SFMBT1: variants seen among roughly 807,000 people sequenced by gnomAD.
The protein encoded by SFMBT1 is Scm like with four mbt domains 1, also known as scm-like with four MBT domains protein 1.
Under a neutral mutation model 108.7 loss-of-function variants are expected in SFMBT1, and 32 were observed. The observed-to-expected ratio is 0.29, with a 90% confidence interval of 0.22 to 0.40. SFMBT1 has a LOEUF of 0.40. Among genes scored for constraint, SFMBT1 ranks in the 10% least tolerant of loss-of-function variants. The probability of loss-of-function intolerance (pLI) is 1.00; values close to 1 mark genes in which losing one functional copy is unlikely to be tolerated. For synonymous variants in SFMBT1, 348 were observed against 369.5 expected, an observed-to-expected ratio of 0.94 and a Z score of 0.67; for missense variants, 816 against 1,059.6, an observed-to-expected ratio of 0.77 and a Z score of 3.19.
chr3:53,038,114 AT>A (rs1360911871), intron 1 of SFMBT1, among the ~76,000 whole-genome samples: 2 of 151,752 alleles, frequency 1.3e-5, no homozygotes, highest in African/African-American at 4.9e-5. Context: ...CAAAAAAAAA[AT>A]GTTTTAAAAA....
chr3:53,005,985 A>C (rs1238065363), intron 1 of SFMBT1, among the ~76,000 whole-genome samples: 1 of 152,100 alleles, frequency 6.6e-6, no homozygotes, highest in Non-Finnish European at 1.5e-5. Context: ...TCTTGGGAGG[A>C]AGGATGAGGA....
intron 1 of SFMBT1, among the ~76,000 whole-genome samples, chr3:53,022,761 G>A (rs1699359999): frequency 6.6e-6 from 1 of 152,104 alleles, no homozygotes; most frequent in South Asian, 2.1e-4. Context: ...GCGGGGTGGA[G>A]CGGGAAATGG....
intron 10 of SFMBT1, among the ~76,000 whole-genome samples, chr3:52,923,386 T>C (rs61473083): frequency 0.098 from 14,915 of 151,938 alleles, 827 homozygotes; most frequent in Non-Finnish European, 0.13. Context: ...GCCAACATAG[T>C]GAAACCCTGT....
chr3:53,038,960 C>G (rs1479247772), intron 1 of SFMBT1, among the ~76,000 whole-genome samples: 3 of 152,180 alleles, frequency 2.0e-5, no homozygotes, highest in Non-Finnish European at 2.9e-5. Context: ...CAGGCCCACA[C>G]CACGAATGTC....
chr3:52,969,046 G>C, intron 2 of SFMBT1, 55 bp downstream of exon 2: 2 of 1,590,702 alleles, frequency 1.3e-6, no homozygotes, highest in Non-Finnish European at 1.7e-6. Context: ...TATAACACAG[G>C]CAAGTAATAT....
Position 52,932,168 on chromosome 3 carries a change from T to C in SFMBT1, c.594A>G (p.Gly198=), listed in dbSNP as rs752602137. The change falls in exon 6 of 21, where the codon GGA becomes GGG. Residue 198 remains glycine (G), a synonymous_variant. Transcript: ENST00000394752. The part of the protein sequence containing the change: ...IGGRLKLRYE[G]LESSDNYEHW... ...GTTCATAATTGTCAGAACTTTCAAG[T>C]CCTTCATAACGTAGCTTCAGCCTTC... The C allele has an allele frequency of 6.2e-7, 1 of 1,614,050 alleles. No homozygotes were observed. The highest frequency in any genetic ancestry group is 8.5e-7 in the Non-Finnish European group (1 of 1,180,030).
At chr3:52,972,225 T>G (rs1030819975) in intron 1 of SFMBT1, among the ~76,000 whole-genome samples, 1 of 152,146 alleles carries the variant, frequency 6.6e-6, no homozygotes, top group Non-Finnish European at 1.5e-5. Context: ...AAAATAATAA[T>G]GAAGCTTCAA....
intron 12 of SFMBT1, among the ~76,000 whole-genome samples, chr3:52,918,913 T>G (rs1345144242): frequency 6.6e-6 from 1 of 151,408 alleles, no homozygotes; most frequent in Non-Finnish European, 1.5e-5. Flanking sequence ...GACCAGGGGG[T>G]GGGGGGTCAT....
rs961551298 is a variant in SFMBT1, at chr3:52,903,808, G to A, written c.*1328C>T. On this transcript the variant is annotated 3_prime_UTR_variant, in exon 21 of 21. Coordinates refer to ENST00000394752, the MANE Select transcript of SFMBT1 (RefSeq NM_016329.4). ...TATTATTCTATAATAGCTAGCAATG[G>A]AATAGTAAGTGAAAATTCACCTGGA... The A allele has an allele frequency of 6.6e-6, 1 of 152,190 alleles. No homozygotes were observed. Among genetic ancestry groups the A allele is most frequent in the Non-Finnish European group, 1.5e-5 (1 of 68,030 alleles). 9.4% of individuals were successfully genotyped at this position (152,190 alleles called of 1,614,324 possible).
intron 8 of SFMBT1, among the ~76,000 whole-genome samples, chr3:52,928,649 TATATACACATATATAC>T (rs60656198): frequency 0.43 from 40,679 of 93,704 alleles, 7,136 homozygotes; most frequent in South Asian, 0.56. Context: ...TATATATATA[TATATACACATATATAC>T]ATATATACAC....
intron 20 of SFMBT1, 133 bp from the exon 21 acceptor site, chr3:52,905,409 G>A (rs1416436914): frequency 1.2e-6 from 1 of 804,720 alleles, no homozygotes; most frequent in East Asian, 2.9e-5. Context: ...TTTCGTCTTA[G>A]GTATCACACA....
chr3:53,006,281 G>A (rs1410192003), intron 1 of SFMBT1, among the ~76,000 whole-genome samples: 1 of 152,170 alleles, frequency 6.6e-6, no homozygotes, highest in East Asian at 1.9e-4. Flanking sequence ...GTTCAGGACG[G>A]AATGGGGAGG....
Position 52,912,607 on chromosome 3 carries a change from C to T in SFMBT1, c.1661G>A (p.Arg554His). The T allele has an allele frequency of 5.0e-6, 8 of 1,614,008 alleles. No homozygotes were observed. Among genetic ancestry groups the T allele is most frequent in the Middle Eastern group, 1.7e-4 (1 of 6,030 alleles). ...GTCCAGCTGGAGCTCCCGAAGGACA[C>T]GGCTGGGTTTGTAGGCTGCATTGAT... ...LLINAAYKPS[R>H]VLRELQLDKD... The change falls in exon 16 of 21, where the codon CGT becomes CAT. Residue 554 changes from arginine (R) to histidine (H), a missense_variant. Physicochemically the swap from Arg to His is conservative, Grantham distance 29 (BLOSUM62 0). This residue lies in a region of SFMBT1 where 79 missense variants were observed against 120.8 expected (regional missense o/e 0.65). Coordinates refer to ENST00000394752, the MANE Select transcript of SFMBT1 (RefSeq NM_016329.4).
At position 52,954,299 on chromosome 3, in the gene SFMBT1, A is replaced by G; in HGVS notation, c.123+18T>C. ...AAAGGGATATAACACCAGTAAGGCA[A>G]ATATAGTTATTGCTTACATGTTTAA... On this transcript the variant is annotated intron_variant, in intron 3 of 20. Transcript: ENST00000394752. 1 of 1,564,308 alleles carries G rather than the reference A, an allele frequency of 6.4e-7. No homozygotes were observed. The highest frequency in any genetic ancestry group is 8.8e-7 in the Non-Finnish European group (1 of 1,138,218).
chr3:52,942,588 A>G (rs1037581798), intron 4 of SFMBT1, among the ~76,000 whole-genome samples: 1 of 152,120 alleles, frequency 6.6e-6, no homozygotes. Context: ...TCTCGGCTCA[A>G]TGCAACGGCC....
chr3:52,919,431 C>T (rs1702453276), intron 12 of SFMBT1, among the ~76,000 whole-genome samples: 3 of 152,154 alleles, frequency 2.0e-5, no homozygotes. Flanking sequence ...TCACACAAGA[C>T]CATGATCCCA....
chr3:52,908,334 A>G (rs1459001773), intron 17 of SFMBT1, among the ~76,000 whole-genome samples: 1 of 151,976 alleles, frequency 6.6e-6, no homozygotes, highest in African/African-American at 2.4e-5. Context: ...GGCCTCCCAA[A>G]GTGCTGGGAT....
intron 4 of SFMBT1, among the ~76,000 whole-genome samples, chr3:52,937,746 C>T (rs1380964360): frequency 1.3e-5 from 2 of 152,020 alleles, no homozygotes; most frequent in Non-Finnish European, 2.9e-5. Flanking sequence ...CTACGGTTGG[C>T]TAATTTTTGT....
chr3:52,984,798 A>C (rs1048793267), intron 1 of SFMBT1, among the ~76,000 whole-genome samples: 8 of 149,078 alleles, frequency 5.4e-5, no homozygotes, highest in Non-Finnish European at 1.2e-4. Flanking sequence ...TTCATACTAT[A>C]ATGAGTTTGG....
Sources: allele counts gnomAD v4.1 joint callset (sites outside exome capture counted in the v4.1 genomes callset), GRCh38; gene constraint gnomAD v4.1.1; regional missense constraint gnomAD v4.1.1; transcripts MANE v1.5; gene names NCBI Gene and HGNC (gene_info 2026-07-23, HGNC 2026-07-21).